Variants in VPS13B observed in about 807,000 individuals in gnomAD.
VPS13B encodes intermembrane lipid transfer protein VPS13B.
Under a neutral mutation model 426.4 loss-of-function variants are expected in VPS13B, and 285 were observed. The ratio of observed to expected loss-of-function variants is 0.67; its 90% CI spans 0.61 to 0.74. The LOEUF is 0.74. Among genes scored for constraint, VPS13B ranks in the 30% least tolerant of loss-of-function variants. VPS13B has a pLI of 0.00. For missense variants in VPS13B, 4,537 were observed against 4,782.6 expected (o/e 0.95, Z 1.51); for synonymous variants, 1,676 against 1,676.4 (o/e 1.00, Z 0.01).
intron 2 of VPS13B, among the ~76,000 whole-genome samples, chr8:99,022,065 ATTTTTC>A (rs1841924568): frequency 6.6e-6 from 1 of 151,366 alleles, no homozygotes; most frequent in Non-Finnish European, 1.5e-5. Context: ...CAAAGAACTA[ATTTTTC>A]TTTTTGTTGA....
chr8:99,779,137 G>A, intron 42 of VPS13B, 106 bp downstream of exon 42: 1 of 1,127,796 alleles, frequency 8.9e-7, no homozygotes, highest in Non-Finnish European at 1.3e-6. Flanking sequence ...AAAAATGTTA[G>A]AGAATGAAGA....
Position 99,662,687 on chromosome 8 carries a change from A to G in VPS13B, c.6046+1196A>G, listed in dbSNP as rs543869985. On this transcript the variant is annotated intron_variant, in intron 35 of 61. Coordinates refer to ENST00000357162, the MANE Select transcript of VPS13B (RefSeq NM_152564.5). ...GGTCCTGAACTCCTAAACTCAAGCA[A>G]TCCGCCTGCCTCAGCTTCCTAACGT... 2.0e-5 allele frequency among the ~76,000 whole-genome samples: 3 copies of G among 152,122 alleles called. No individual in the cohort carries two copies. The East Asian group carries it at 5.8e-4, about 30-fold the overall frequency.
intron 19 of VPS13B, among the ~76,000 whole-genome samples, chr8:99,342,125 A>G (rs1175690225): frequency 6.6e-6 from 1 of 152,314 alleles, no homozygotes; most frequent in Non-Finnish European, 1.5e-5. Context: ...TTAATTGACA[A>G]ATCATAATTG....
At chr8:99,291,401 A>G (rs971832151) in intron 19 of VPS13B, among the ~76,000 whole-genome samples, 1 of 152,176 alleles carries the variant, frequency 6.6e-6, no homozygotes, top group Non-Finnish European at 1.5e-5. Flanking sequence ...GGCAGTTTGA[A>G]TAAAGAACTC....
intron 33 of VPS13B, among the ~76,000 whole-genome samples, chr8:99,602,612 A>G (rs546128552): frequency 6.6e-6 from 1 of 152,216 alleles, no homozygotes; most frequent in Non-Finnish European, 1.5e-5. Flanking sequence ...TGCAGATGAC[A>G]TGATTGTATA....
intron 15 of VPS13B, among the ~76,000 whole-genome samples, chr8:99,160,723 C>T (rs1313449819): frequency 6.6e-6 from 1 of 150,418 alleles, no homozygotes; most frequent in Non-Finnish European, 1.5e-5. Flanking sequence ...GATTAGAGGA[C>T]TCCACAAATA....
chr8:99,580,021 T>C (rs1164670444), intron 33 of VPS13B, among the ~76,000 whole-genome samples: 1 of 152,018 alleles, frequency 6.6e-6, no homozygotes, highest in Non-Finnish European at 1.5e-5. Context: ...AAAATTCCTT[T>C]TGAGAACAAA....
chr8:99,047,444 GTCTA>G (rs149322139), intron 3 of VPS13B, among the ~76,000 whole-genome samples: 3,066 of 152,076 alleles, frequency 0.02, 112 homozygotes, highest in African/African-American at 0.07. Context: ...GTTGCTAATG[GTCTA>G]TCTGTTTTAC....
chr8:99,137,219 G>A (rs1810116222), intron 12 of VPS13B, among the ~76,000 whole-genome samples: 1 of 150,294 alleles, frequency 6.7e-6, no homozygotes, highest in Non-Finnish European at 1.5e-5. Context: ...TCTATTTTTT[G>A]GAAATAAATG....
At chr8:99,845,885 A>G (rs1020984291) in intron 54 of VPS13B, among the ~76,000 whole-genome samples, 1 of 152,242 alleles carries the variant, frequency 6.6e-6, no homozygotes, top group Non-Finnish European at 1.5e-5. Context: ...AATAGCAGGC[A>G]GTGGACCAGA....
At chr8:99,673,185 A>T (rs975514335) in intron 35 of VPS13B, among the ~76,000 whole-genome samples, 1 of 152,016 alleles carries the variant, frequency 6.6e-6, no homozygotes, top group African/African-American at 2.4e-5. Flanking sequence ...GTTTTTTGGA[A>T]GAGTTTGAGA....
chr8:99,615,117 CAAAAAAA>C (rs747102670), intron 33 of VPS13B, among the ~76,000 whole-genome samples: 2,268 of 58,642 alleles, frequency 0.039, 59 homozygotes, highest in African/African-American at 0.12. Flanking sequence ...AACTCCGTCT[CAAAAAAA>C]AAAAAAAAAA....
chr8:99,633,841 G>A (rs933030734), intron 33 of VPS13B, among the ~76,000 whole-genome samples: 1 of 151,340 alleles, frequency 6.6e-6, no homozygotes, highest in South Asian at 2.1e-4. Context: ...GTGTGTGTGC[G>A]TGTTTTAACT....
intron 43 of VPS13B, among the ~76,000 whole-genome samples, chr8:99,795,866 T>TCATTG: frequency 6.6e-6 from 1 of 152,332 alleles, no homozygotes; most frequent in African/African-American, 2.4e-5. Flanking sequence ...CCACAATATC[T>TCATTG]TTTATGTCCT....
chr8:99,831,465 ATCTT>A (rs1218658501), intron 51 of VPS13B, among the ~76,000 whole-genome samples: 2 of 152,158 alleles, frequency 1.3e-5, no homozygotes, highest in Admixed American at 6.5e-5. Flanking sequence ...GGAAAGTATT[ATCTT>A]TCTTTACCTT....
At chr8:99,332,361 A>T (rs1236148014) in intron 19 of VPS13B, among the ~76,000 whole-genome samples, 3 of 151,718 alleles carry the variant, frequency 2.0e-5, no homozygotes, top group Non-Finnish European at 4.4e-5. Flanking sequence ...TCAGGAATTA[A>T]TGTTAAGATT....
chr8:99,445,419 C>T (rs1213542984), intron 23 of VPS13B, among the ~76,000 whole-genome samples: 2 of 149,566 alleles, frequency 1.3e-5, no homozygotes, highest in East Asian at 1.9e-4. Flanking sequence ...AAGCTATGAT[C>T]GCACCACTGC....
At chr8:99,591,803 C>T (rs904853889) in intron 33 of VPS13B, among the ~76,000 whole-genome samples, 8 of 152,080 alleles carry the variant, frequency 5.3e-5, no homozygotes, top group African/African-American at 1.9e-4. Context: ...TTCATTTCAA[C>T]CTTAATGAAT....
At chr8:99,726,821 G>T (rs1030739031) in intron 39 of VPS13B, among the ~76,000 whole-genome samples, 1 of 152,168 alleles carries the variant, frequency 6.6e-6, no homozygotes, top group Non-Finnish European at 1.5e-5. Flanking sequence ...CTCCCAAAGT[G>T]CTGGGATTAC....
Sources: allele counts gnomAD v4.1 joint callset (sites outside exome capture counted in the v4.1 genomes callset), GRCh38; gene constraint gnomAD v4.1.1; transcripts MANE v1.5; gene names NCBI Gene and HGNC (gene_info 2026-07-23, HGNC 2026-07-21).